EIF3K: variants seen among roughly 807,000 people sequenced by gnomAD.
EIF3K encodes eukaryotic translation initiation factor 3 subunit K.
A neutral mutation model predicts 34.2 loss-of-function variants in EIF3K; 27 were observed. The ratio of observed to expected loss-of-function variants is 0.79; its 90% CI spans 0.58 to 1.09. EIF3K has a LOEUF of 1.09. EIF3K is among the 50% of genes least tolerant of loss of function. The pLI is 0.00. For synonymous variants in EIF3K, 105 were observed against 105.7 expected (o/e 0.99, Z 0.04); for missense variants, 232 against 275.4 (o/e 0.84, Z 1.11).
intron 4 of EIF3K, 151 bp downstream of exon 4, chr19:38,626,253 C>T (rs1056760296): frequency 2.7e-6 from 2 of 743,836 alleles, no homozygotes; most frequent in South Asian, 3.2e-5. Context: ...ATCATCCTCT[C>T]GCGGAGCAGG....
intron 6 of EIF3K, among the ~76,000 whole-genome samples, chr19:38,633,192 G>T (rs1411512898): frequency 6.6e-6 from 1 of 152,096 alleles, no homozygotes; most frequent in Non-Finnish European, 1.5e-5. Context: ...GGCGAAAGTA[G>T]AGAGCTGGGG....
intron 1 of EIF3K, 81 bp downstream of exon 1, chr19:38,619,408 G>T: frequency 6.6e-7 from 1 of 1,520,916 alleles, no homozygotes; most frequent in Non-Finnish European, 9.0e-7. Flanking sequence ...GGGTGTTCAG[G>T]GTCCTGGGCT....
At chr19:38,628,536 A>C (rs1975995155) in intron 4 of EIF3K, 2 of 152,498 alleles carry the variant, frequency 1.3e-5, no homozygotes, top group African/African-American at 4.8e-5. Context: ...CTTAAATCGC[A>C]TGTGCTGGCT....
chr19:38,629,347 T>G (rs983198327), intron 4 of EIF3K, among the ~76,000 whole-genome samples: 1 of 152,180 alleles, frequency 6.6e-6, no homozygotes, highest in Non-Finnish European at 1.5e-5. Context: ...CAGGCCGCAG[T>G]GCAGTGATGC....
chr19:38,627,402 C>T (rs1394330538), intron 4 of EIF3K, among the ~76,000 whole-genome samples: 5 of 151,904 alleles, frequency 3.3e-5, no homozygotes, highest in Non-Finnish European at 7.4e-5. Flanking sequence ...GGTGGCTCAA[C>T]GCCTGTAATC....
rs1029104310 is a variant in EIF3K, at chr19:38,620,369, G to A, written c.92G>A (p.Arg31His). 1.9e-6 allele frequency: 3 copies of A among 1,613,984 alleles called. No homozygotes were observed. The highest frequency in any genetic ancestry group is 2.5e-6 in the Non-Finnish European group (3 of 1,179,968). The change falls in exon 2 of 8, where the codon CGC (arginine) becomes CAC (histidine). Residue 31 changes from arginine (R) to histidine (H), a missense_variant. Coordinates refer to ENST00000248342, the MANE Select transcript of EIF3K (RefSeq NM_013234.4). The stretch of plus-strand genomic sequence containing the variant: ...CCTGAGAACCTGGCCACCCTGGAGC[G>A]CTATGTAGAGACGCAGGCCAAGGAA... ...YNPENLATLE[R>H]YVETQAKENA...
chr19:38,623,045 G>A (rs926194045), intron 2 of EIF3K, among the ~76,000 whole-genome samples: 1 of 152,142 alleles, frequency 6.6e-6, no homozygotes, highest in Non-Finnish European at 1.5e-5. Flanking sequence ...GTCCTGGAAC[G>A]ATATACATCC....
chr19:38,624,222 G>C (rs751546411), intron 3 of EIF3K, 25 bp downstream of exon 3: 10 of 1,613,696 alleles, frequency 6.2e-6, no homozygotes, highest in African/African-American at 1.3e-5. Context: ...CTGGGGCCGG[G>C]GGGTGTGTGG....
intron 2 of EIF3K, among the ~76,000 whole-genome samples, chr19:38,622,037 C>T (rs904565779): frequency 2.1e-4 from 31 of 150,738 alleles, no homozygotes; most frequent in Admixed American, 6.0e-4. Context: ...TCCTGAATAG[C>T]TGGGACTACA....
At chr19:38,629,317 CAG>C (rs1976013137) in intron 4 of EIF3K, among the ~76,000 whole-genome samples, 1 of 147,844 alleles carries the variant, frequency 6.8e-6, no homozygotes, top group Admixed American at 6.8e-5. Flanking sequence ...TTTTTTGAGA[CAG>C]GGTCTCACTC....
intron 4 of EIF3K, among the ~76,000 whole-genome samples, chr19:38,627,472 C>T (rs1975973444): frequency 6.6e-6 from 1 of 151,808 alleles, no homozygotes; most frequent in Non-Finnish European, 1.5e-5. Context: ...CGAGACCAGC[C>T]TGACCAACGT....
At position 38,621,386 on chromosome 19, in the gene EIF3K, T is replaced by C. The variant is rs929482102; in HGVS notation, c.158+951T>C. 6.6e-4 allele frequency among the ~76,000 whole-genome samples: 100 copies of C among 151,914 alleles called. 1 individual carries two copies. In the East Asian group the frequency reaches 0.018, roughly 27 times the overall value. ...CAAGATCATACCACTGCACTCCAGCTTGGGCGACAGAGTGAGACCCTGTCT... is the reference window on the plus strand; with the variant it reads ...CAAGATCATACCACTGCACTCCAGCCTGGGCGACAGAGTGAGACCCTGTCT... On this transcript the variant is annotated intron_variant, in intron 2 of 7. Coordinates refer to ENST00000248342, the MANE Select transcript of EIF3K (RefSeq NM_013234.4).
At chr19:38,627,281 G>A (rs1205170846) in intron 4 of EIF3K, among the ~76,000 whole-genome samples, 8 of 151,758 alleles carry the variant, frequency 5.3e-5, no homozygotes, top group South Asian at 2.1e-4. Flanking sequence ...CCACCACGCC[G>A]GGCCAGAAAC....
intron 7 of EIF3K, chr19:38,635,382 C>T (rs1282189872): frequency 1.9e-6 from 1 of 527,230 alleles, no homozygotes; most frequent in Admixed American, 3.2e-5. Flanking sequence ...AGCGGGGCCT[C>T]ACAGGGGGTC....
chr19:38,619,719 T>G (rs1401855442), intron 1 of EIF3K, among the ~76,000 whole-genome samples: 1 of 152,128 alleles, frequency 6.6e-6, no homozygotes, highest in East Asian at 1.9e-4. Flanking sequence ...CCTCTTAATC[T>G]CTCCCTTCTC....
Position 38,625,526 on chromosome 19 carries a change from T to C in EIF3K, c.280-502T>C, listed in dbSNP as rs567267401. On this transcript the variant is annotated intron_variant, in intron 3 of 7. Coordinates refer to ENST00000248342, the MANE Select transcript of EIF3K (RefSeq NM_013234.4). ...TTTTTTGTTAATATTTTCTTTTTTT[T>C]TGAGATGGAGTCTTGCTCTGTCATC... Among the ~76,000 whole-genome samples, 9 of 151,886 alleles carry C rather than the reference T, an allele frequency of 5.9e-5. No individual in the cohort carries two copies. In the East Asian group the frequency reaches 9.6e-4, roughly 16 times the overall value.
At chr19:38,629,267 GTTTGTTTTGT>G (rs3033331) in intron 4 of EIF3K, among the ~76,000 whole-genome samples, 4,634 of 148,920 alleles carry the variant, frequency 0.031, 101 homozygotes, top group Non-Finnish European at 0.043. Flanking sequence ...TTTTTTGTTT[GTTTGTTTTGT>G]TTTGTTTTGT....
At chr19:38,621,160 C>T (rs548407886) in intron 2 of EIF3K, among the ~76,000 whole-genome samples, 1 of 150,424 alleles carries the variant, frequency 6.6e-6, no homozygotes, top group African/African-American at 2.5e-5. Flanking sequence ...AGTGCCACTG[C>T]ACTCCAGCCT....
intron 3 of EIF3K, among the ~76,000 whole-genome samples, chr19:38,625,225 C>G (rs376340613): frequency 3.3e-5 from 5 of 151,750 alleles, no homozygotes; most frequent in African/African-American, 9.7e-5. Flanking sequence ...AGTGCAGTGG[C>G]GTGATCTCGG....
Sources: allele counts gnomAD v4.1 joint callset (sites outside exome capture counted in the v4.1 genomes callset), GRCh38; gene constraint gnomAD v4.1.1; transcripts MANE v1.5; gene names NCBI Gene and HGNC (gene_info 2026-07-23, HGNC 2026-07-21).